NXPH1: variants seen among roughly 807,000 people sequenced by gnomAD.
NXPH1 encodes the protein neurexophilin-1.
A neutral mutation model predicts 23.7 loss-of-function variants in NXPH1; 5 were observed. The observed-to-expected ratio is 0.21, with a 90% CI of 0.11 to 0.44. The LOEUF (loss-of-function observed/expected upper bound fraction) is 0.44. Ranked by LOEUF, NXPH1 falls within the 20% of genes least tolerant of loss-of-function variation. The probability of loss-of-function intolerance (pLI) is 0.99; values close to 1 mark genes in which losing one functional copy is unlikely to be tolerated. For missense variants in NXPH1, 324 were observed against 321.6 expected (o/e 1.01, Z -0.06); for synonymous variants, 144 against 122.2 (o/e 1.18, Z -1.18).
chr7:8,752,702 T>G lies in NXPH1; in HGVS notation c.*933T>G, dbSNP rs886631381. On this transcript the variant is annotated 3_prime_UTR_variant, in exon 3 of 3. Coordinates refer to ENST00000405863, the MANE Select transcript of NXPH1 (RefSeq NM_152745.3). ...TGTACATAGTTTAACCAAGTGTTAT[T>G]TGAGCTGCTTATTAATATTAACTTG... 2 of 152,496 alleles carry G rather than the reference T, an allele frequency of 1.3e-5. No individual in the cohort carries two copies. The highest frequency in any genetic ancestry group is 2.9e-5 in the Non-Finnish European group (2 of 68,010). 9.4% of individuals were successfully genotyped at this position (152,496 alleles called of 1,614,324 possible). A position where few individuals can be genotyped will look rare whatever the true frequency, so the allele number is the denominator to read the frequency against.
intron 2 of NXPH1, among the ~76,000 whole-genome samples, chr7:8,659,980 T>C (rs925210352): frequency 3.9e-5 from 6 of 152,126 alleles, no homozygotes; most frequent in African/African-American, 1.4e-4. Context: ...TGGGATGGTA[T>C]TGGCGTCAAG....
At chr7:8,661,473 G>C (rs750468813) in intron 2 of NXPH1, among the ~76,000 whole-genome samples, 23 of 151,916 alleles carry the variant, frequency 1.5e-4, no homozygotes, top group Non-Finnish European at 3.1e-4. Context: ...GTTTTGTTTT[G>C]GGCTTTTAGC....
In NXPH1 at chr7:8,518,408, A is replaced by AT. The variant is rs540025130; in HGVS notation, c.54+82642dup. ...AGGTATTTTATTATATACCTAACAC[A>AT]TAAAATTATTAAAAAAGAAAATATT... On this transcript the variant is annotated intron_variant, in intron 2 of 2. Transcript: ENST00000405863. Among the ~76,000 whole-genome samples, 206 of 152,288 alleles carry AT rather than the reference A, an allele frequency of 1.4e-3. 1 individual carries two copies. Among genetic ancestry groups the AT allele is most frequent in the African/African-American group, 4.9e-3 (204 of 41,570 alleles).
chr7:8,752,189 AAGTCT>A lies in NXPH1; in HGVS notation c.*421_*425del. 5.8e-6 allele frequency: 1 copy of A among 173,446 alleles called. No homozygotes were observed. The highest frequency in any genetic ancestry group is 1.3e-5 in the Non-Finnish European group (1 of 78,872). 10.7% of individuals were successfully genotyped at this position (173,446 alleles called of 1,614,324 possible). On this transcript the variant is annotated 3_prime_UTR_variant, in exon 3 of 3. Coordinates refer to ENST00000405863, the MANE Select transcript of NXPH1 (RefSeq NM_152745.3). ...GTTGCTGTTATGGAAATCTCTTTTAAAGTCTTGAGTACATGCTAATCAATAATCTC... is the reference window on the plus strand; with the variant it reads ...GTTGCTGTTATGGAAATCTCTTTTAATGAGTACATGCTAATCAATAATCTC...
chr7:8,579,875 A>T (rs1005906522), intron 2 of NXPH1, among the ~76,000 whole-genome samples: 1 of 152,180 alleles, frequency 6.6e-6, no homozygotes, highest in African/African-American at 2.4e-5. Context: ...GCATCTAGGG[A>T]TCATCTAGAA....
At chr7:8,679,680 T>G (rs1821020939) in intron 2 of NXPH1, among the ~76,000 whole-genome samples, 1 of 152,230 alleles carries the variant, frequency 6.6e-6, no homozygotes, top group African/African-American at 2.4e-5. Flanking sequence ...AAGGCTTGTT[T>G]CATGGTGGCC....
At chr7:8,628,428 A>T (rs1225804578) in intron 2 of NXPH1, among the ~76,000 whole-genome samples, 1 of 151,928 alleles carries the variant, frequency 6.6e-6, no homozygotes, top group Non-Finnish European at 1.5e-5. Flanking sequence ...CAAAAAAGCA[A>T]AAACCAAACT....
At chr7:8,548,376 TG>T (rs1172901584) in intron 2 of NXPH1, among the ~76,000 whole-genome samples, 3 of 151,704 alleles carry the variant, frequency 2.0e-5, no homozygotes, top group Non-Finnish European at 4.4e-5. Context: ...TCTATCTGCA[TG>T]GACCCATTCT....
chr7:8,483,123 A>G (rs577385517), intron 2 of NXPH1, among the ~76,000 whole-genome samples: 8 of 152,238 alleles, frequency 5.3e-5, no homozygotes, highest in African/African-American at 1.9e-4. Context: ...TAACAGTTAT[A>G]TACTAGGTGT....
At chr7:8,606,444 C>G (rs1304943811) in intron 2 of NXPH1, among the ~76,000 whole-genome samples, 1 of 152,114 alleles carries the variant, frequency 6.6e-6, no homozygotes, top group Non-Finnish European at 1.5e-5. Context: ...GCATTTGCCT[C>G]TGGGGATTTA....
rs144724773 is a variant in NXPH1, at chr7:8,564,101, T to C, written c.54+128334T>C. 5.9e-3 allele frequency among the ~76,000 whole-genome samples: 899 copies of C among 151,844 alleles called. 5 individuals are homozygous for C. The highest frequency in any genetic ancestry group is 0.021 in the African/African-American group (860 of 41,494). On this transcript the variant is annotated intron_variant, in intron 2 of 2. Transcript: ENST00000405863. ...TCTTGTCCCCAGAGCACAAAAATTA[T>C]AGATTTAGCCCATGCTTTTTGACTA...
At chr7:8,599,787 T>C (rs1178514567) in intron 2 of NXPH1, among the ~76,000 whole-genome samples, 1 of 148,518 alleles carries the variant, frequency 6.7e-6, no homozygotes, top group African/African-American at 2.5e-5. Context: ...CTTGTGCCCA[T>C]GTTACCCTTA....
chr7:8,712,151 G>A (rs963624341), intron 2 of NXPH1, among the ~76,000 whole-genome samples: 8 of 152,188 alleles, frequency 5.3e-5, no homozygotes, highest in African/African-American at 1.9e-4. Flanking sequence ...CTAGATTCAA[G>A]CATCTTTATG....
chr7:8,571,965 G>T (rs548039858), intron 2 of NXPH1, among the ~76,000 whole-genome samples: 1 of 151,768 alleles, frequency 6.6e-6, no homozygotes, highest in South Asian at 2.1e-4. Flanking sequence ...GAAATGAAAT[G>T]CTACCAAGGG....
At chr7:8,741,528 A>G (rs1048378814) in intron 2 of NXPH1, among the ~76,000 whole-genome samples, 1 of 152,114 alleles carries the variant, frequency 6.6e-6, no homozygotes, top group Non-Finnish European at 1.5e-5. Flanking sequence ...TCCACAGTGT[A>G]CAGCTGTTCC....
chr7:8,448,081 A>C (rs1374898022), intron 2 of NXPH1, among the ~76,000 whole-genome samples: 1 of 152,220 alleles, frequency 6.6e-6, no homozygotes, highest in African/African-American at 2.4e-5. Context: ...ATTGTGAAAG[A>C]CTGGCTAGGA....
chr7:8,527,164 TAGG>T lies in NXPH1; in HGVS notation c.54+91400_54+91402del, dbSNP rs1277642685. Among the ~76,000 whole-genome samples, 6 of 152,304 alleles carry T rather than the reference TAGG, an allele frequency of 3.9e-5. No homozygotes were observed. The East Asian group carries it at 1.2e-3, about 29-fold the overall frequency. ...AGTAATATTAATAACTGACATTGAG[TAGG>T]AGAAGGCAAGGCCATTTTGAGTGGC... On this transcript the variant is annotated intron_variant, in intron 2 of 2. Transcript: ENST00000405863.
intron 2 of NXPH1, among the ~76,000 whole-genome samples, chr7:8,620,159 A>G (rs1296473279): frequency 2.3e-5 from 3 of 131,296 alleles, no homozygotes; most frequent in Non-Finnish European, 4.8e-5. Flanking sequence ...CTCGACATTG[A>G]AAAAACACAG....
chr7:8,507,568 A>G (rs1817549286), intron 2 of NXPH1, among the ~76,000 whole-genome samples: 1 of 152,156 alleles, frequency 6.6e-6, no homozygotes, highest in Admixed American at 6.5e-5. Flanking sequence ...TAGTTCCCCC[A>G]GTGGTATAAA....
Sources: allele counts gnomAD v4.1 joint callset (sites outside exome capture counted in the v4.1 genomes callset), GRCh38; gene constraint gnomAD v4.1.1; transcripts MANE v1.5; gene names NCBI Gene and HGNC (gene_info 2026-07-23, HGNC 2026-07-21).